BRWD1: variants seen among roughly 807,000 people sequenced by gnomAD.
The protein encoded by BRWD1 is bromodomain and WD repeat-containing protein 1.
A neutral mutation model predicts 251.2 loss-of-function variants in BRWD1; 82 were observed. The observed-to-expected ratio is 0.33, with a 90% CI of 0.27 to 0.39. BRWD1 has a LOEUF of 0.39. Among genes scored for constraint, BRWD1 ranks in the 10% least tolerant of loss-of-function variants. The probability of loss-of-function intolerance (pLI) is 1.00; values close to 1 mark genes in which losing one functional copy is unlikely to be tolerated. For synonymous variants in BRWD1, 918 were observed against 902.8 expected, an observed-to-expected ratio of 1.02 and a Z score of -0.30; for missense variants, 2,233 against 2,711.6, an observed-to-expected ratio of 0.82 and a Z score of 3.92.
At chr21:39,185,274 C>T (rs13046258), downstream of BRWD1, 2 of 90,166 alleles carry the variant, frequency 2.2e-5, no homozygotes, top group Admixed American at 3.2e-4. Context: ...AGCTTAAATT[C>T]TTTCATTACA....
chr21:39,252,905 C>T (rs2034443031), intron 19 of BRWD1, among the ~76,000 whole-genome samples: 2 of 152,184 alleles, frequency 1.3e-5, no homozygotes, highest in African/African-American at 4.8e-5. Flanking sequence ...CATCTTTCTT[C>T]TTTTCTTCTA....
At chr21:39,313,707 G>T, upstream of BRWD1, 1 of 372,966 alleles carries the variant, frequency 2.7e-6, no homozygotes, top group Non-Finnish European at 4.8e-6. Flanking sequence ...GGGGGGCGGG[G>T]GTTTGCGCCA....
At chr21:39,254,585 G>A (rs1404983093) in intron 19 of BRWD1, among the ~76,000 whole-genome samples, 1 of 152,062 alleles carries the variant, frequency 6.6e-6, no homozygotes, top group Non-Finnish European at 1.5e-5. Context: ...TTATTTTGAG[G>A]GGAAATAAAG....
chr21:39,229,524 A>G (rs1267597561), intron 25 of BRWD1, 88 bp from the exon 26 acceptor site: 44 of 1,297,018 alleles, frequency 3.4e-5, no homozygotes, highest in Non-Finnish European at 8.5e-6. Context: ...AAGTAAACTC[A>G]TAATTTAGGC....
chr21:39,253,918 C>A (rs1252284861), intron 19 of BRWD1, among the ~76,000 whole-genome samples: 1 of 152,176 alleles, frequency 6.6e-6, no homozygotes, highest in East Asian at 1.9e-4. Context: ...ATTATAATTA[C>A]AAAATATCAT....
chr21:39,319,356 G>A (rs1317678442), intron 1 of BRWD1, among the ~76,000 whole-genome samples: 4 of 152,090 alleles, frequency 2.6e-5, no homozygotes, highest in Non-Finnish European at 5.9e-5. Flanking sequence ...TTCCCAGCTT[G>A]CAGGCGCTGG....
intron 4 of BRWD1, among the ~76,000 whole-genome samples, chr21:39,306,924 G>C (rs1171118950): frequency 6.6e-6 from 1 of 152,218 alleles, no homozygotes; most frequent in Admixed American, 6.5e-5. Context: ...CTTGATCTCA[G>C]ACCATTGCAA....
In BRWD1 at chr21:39,241,473, T is replaced by TAAAA. The variant is rs61488970; in HGVS notation, c.2482-2904_2482-2901dup. Reference sequence around the variant, plus strand: ...ACAGAGCAAGATTCCATCTCCAAAGTAAAAAAAAAAAAAAAAAAAAAAAAA... The same window carrying TAAAA: ...ACAGAGCAAGATTCCATCTCCAAAGTAAAAAAAAAAAAAAAAAAAAAAAAAAAAA... On this transcript the variant is annotated intron_variant, in intron 21 of 40. Transcript: ENST00000342449. Among the ~76,000 whole-genome samples, 33 of 44,922 alleles carry TAAAA rather than the reference T, an allele frequency of 7.3e-4. 1 individual carries two copies. Among genetic ancestry groups the TAAAA allele is most frequent in the South Asian group, 1.7e-3 (1 of 586 alleles). 29.5% of individuals were successfully genotyped at this position (44,922 alleles called of 152,430 possible). A position where few individuals can be genotyped will look rare whatever the true frequency, so the allele number is the denominator to read the frequency against.
upstream of BRWD1, among the ~76,000 whole-genome samples, chr21:39,315,153 C>T (rs535307738): frequency 2.6e-5 from 4 of 152,112 alleles, 1 homozygote; most frequent in East Asian, 5.9e-4. Context: ...AGCGCCACCA[C>T]GTCCGGCTAA....
intron 22 of BRWD1, 112 bp from the exon 23 acceptor site, chr21:39,236,896 A>C: frequency 2.3e-6 from 2 of 873,490 alleles, no homozygotes; most frequent in Non-Finnish European, 3.5e-6. Context: ...AAGGGAAGAT[A>C]CCAGAAAGAC....
At chr21:39,302,049 T>C (rs967412186) in intron 4 of BRWD1, among the ~76,000 whole-genome samples, 12 of 132,364 alleles carry the variant, frequency 9.1e-5, no homozygotes, top group Non-Finnish European at 1.7e-4. Flanking sequence ...GTGGCCCCAA[T>C]GCTGGATCAC....
At chr21:39,213,590 G>T in intron 32 of BRWD1, 37 bp from the exon 33 acceptor site, 1 of 1,365,274 alleles carries the variant, frequency 7.3e-7, no homozygotes, top group Non-Finnish European at 1.0e-6. Context: ...GTATGCAGAT[G>T]TAGTGACTTG....
chr21:39,265,952 A>G (rs951544714), intron 15 of BRWD1, among the ~76,000 whole-genome samples: 3 of 152,242 alleles, frequency 2.0e-5, no homozygotes, highest in Admixed American at 2.0e-4. Context: ...ACTGTAAACT[A>G]TATTAGTTTA....
At chr21:39,227,298 A>G (rs543674113) in intron 27 of BRWD1, among the ~76,000 whole-genome samples, 1 of 152,338 alleles carries the variant, frequency 6.6e-6, no homozygotes, top group Non-Finnish European at 1.5e-5. Context: ...TGATAAAAGA[A>G]CGAACCATCC....
chr21:39,244,775 A>G (rs187813742), intron 21 of BRWD1, among the ~76,000 whole-genome samples: 1 of 152,032 alleles, frequency 6.6e-6, no homozygotes, highest in African/African-American at 2.4e-5. Context: ...GCTGCATGGT[A>G]AAATAGTTAT....
At chr21:39,247,978 T>A (rs957058637) in intron 20 of BRWD1, 146 bp from the exon 21 acceptor site, 101 of 956,988 alleles carry the variant, frequency 1.1e-4, no homozygotes, top group Non-Finnish European at 1.5e-4. Flanking sequence ...TGCCATACAG[T>A]TTTAACTCAA....
intron 9 of BRWD1, among the ~76,000 whole-genome samples, chr21:39,279,536 G>T (rs543203705): frequency 6.6e-6 from 1 of 151,244 alleles, no homozygotes; most frequent in South Asian, 2.1e-4. Flanking sequence ...CTACTCAGGA[G>T]GCTGAGGCAG....
rs1013179382 is a variant in BRWD1 at position 39,269,490 on chromosome 21, A to G, written c.1530+409T>C. Among the ~76,000 whole-genome samples the G allele has an allele frequency of 2.0e-5, 3 of 152,114 alleles. No homozygotes were observed. In the East Asian group the frequency reaches 5.8e-4, roughly 29 times the overall value. On this transcript the variant is annotated intron_variant, in intron 15 of 40. Transcript: ENST00000342449. Reference sequence around the variant, plus strand: ...AGGTTACTGAAATTGGAGTAATCAAATATTGTAATATTTGGTTAATATTGA... The same window carrying G: ...AGGTTACTGAAATTGGAGTAATCAAGTATTGTAATATTTGGTTAATATTGA...
intron 8 of BRWD1, among the ~76,000 whole-genome samples, chr21:39,285,646 G>A (rs1367308874): frequency 6.6e-6 from 1 of 152,034 alleles, no homozygotes; most frequent in Non-Finnish European, 1.5e-5. Flanking sequence ...ATGTAGGCTA[G>A]GTGTGGTGGC....
Sources: gnomAD v4.1 joint callset for allele counts (sites outside exome capture counted in the v4.1 genomes callset) on GRCh38, gnomAD v4.1.1 for gene constraint, MANE v1.5 for transcripts, NCBI Gene and HGNC (gene_info 2026-07-23, HGNC 2026-07-21) for gene names.